Variants in SYBU observed in about 807,000 individuals in gnomAD.
SYBU encodes syntabulin.
In SYBU, 21 loss-of-function variants were observed where a neutral mutation model predicts 35.9. That is an observed-to-expected ratio of 0.58 (90% CI 0.41 to 0.84). The LOEUF (loss-of-function observed/expected upper bound fraction) is 0.84, where lower values mean the gene tolerates loss of function less well. Ranked by LOEUF, SYBU falls within the 40% of genes least tolerant of loss-of-function variation. The pLI, the probability that SYBU is intolerant of heterozygous loss-of-function variation, is 0.00. For missense variants in SYBU, 768 were observed against 848.2 expected (o/e 0.91, Z 1.17); for synonymous variants, 319 against 324.3 (o/e 0.98, Z 0.18).
intron 1 of SYBU, among the ~76,000 whole-genome samples, chr8:109,654,202 C>T (rs939488243): frequency 3.3e-5 from 5 of 152,086 alleles, no homozygotes; most frequent in South Asian, 2.1e-4. Flanking sequence ...CATCACCAAA[C>T]GTCTGAAAAA....
chr8:109,658,700 T>A (rs1563768983), intron 1 of SYBU, among the ~76,000 whole-genome samples: 1 of 152,296 alleles, frequency 6.6e-6, no homozygotes, highest in South Asian at 2.1e-4. Context: ...ATGCCTGTAA[T>A]CCCAGCATTT....
At chr8:109,687,849 A>G (rs1392110905) in intron 1 of SYBU, among the ~76,000 whole-genome samples, 2 of 152,234 alleles carry the variant, frequency 1.3e-5, no homozygotes, top group Admixed American at 6.5e-5. Context: ...TCTACTCTCA[A>G]TATAAGGATA....
chr8:109,624,409 T>C (rs1040405986), intron 2 of SYBU, among the ~76,000 whole-genome samples: 5 of 152,380 alleles, frequency 3.3e-5, no homozygotes, highest in Middle Eastern at 3.4e-3. Flanking sequence ...AGTTTGTCCT[T>C]ACAAAAGCAT....
At chr8:109,685,334 T>C (rs1422728673), upstream of SYBU, among the ~76,000 whole-genome samples, 1 of 152,214 alleles carries the variant, frequency 6.6e-6, no homozygotes, top group Non-Finnish European at 1.5e-5. Context: ...AATTAGACAA[T>C]GCATACCTCT....
chr8:109,598,469 A>G (rs1825141199), intron 3 of SYBU, among the ~76,000 whole-genome samples: 1 of 152,138 alleles, frequency 6.6e-6, no homozygotes, highest in South Asian at 2.1e-4. Flanking sequence ...TAACCTCTCT[A>G]TGCCTAAGTT....
intron 1 of SYBU, among the ~76,000 whole-genome samples, chr8:109,674,654 A>G (rs1563776465): frequency 1.3e-5 from 2 of 152,200 alleles, no homozygotes; most frequent in South Asian, 2.1e-4. Context: ...AAGTTCTTAG[A>G]GACCTACAAA....
At chr8:109,685,790 T>C (rs547468168), upstream of SYBU, among the ~76,000 whole-genome samples, 3 of 152,134 alleles carry the variant, frequency 2.0e-5, no homozygotes, top group African/African-American at 7.2e-5. Flanking sequence ...TAAAATTATA[T>C]GAAAAATGTC....
intron 3 of SYBU, among the ~76,000 whole-genome samples, chr8:109,604,554 A>T (rs1219541551): frequency 6.6e-6 from 1 of 152,288 alleles, no homozygotes; most frequent in East Asian, 1.9e-4. Flanking sequence ...AGTTCTTTTA[A>T]ATGGTAGCTG....
chr8:109,684,097 A>G (rs999532344), upstream of SYBU, among the ~76,000 whole-genome samples: 1 of 152,180 alleles, frequency 6.6e-6, no homozygotes, highest in Non-Finnish European at 1.5e-5. Flanking sequence ...TAACTTTATT[A>G]TTATTTCAGC....
intron 6 of SYBU, 51 bp from the exon 7 acceptor site, chr8:109,576,064 A>G (rs767396243): frequency 6.7e-7 from 1 of 1,483,722 alleles, no homozygotes; most frequent in South Asian, 1.4e-5. Context: ...AAAAAAAAAA[A>G]AAAAAACTTT....
chr8:109,687,237 A>G (rs560429511), intron 1 of SYBU, among the ~76,000 whole-genome samples: 84 of 152,340 alleles, frequency 5.5e-4, no homozygotes, highest in African/African-American at 1.8e-3. Context: ...AAAAACTAAG[A>G]GAACACATAA....
intron 1 of SYBU, among the ~76,000 whole-genome samples, chr8:109,650,492 A>G (rs1393245344): frequency 1.3e-5 from 2 of 152,210 alleles, no homozygotes; most frequent in East Asian, 3.8e-4. Flanking sequence ...TGGCAGCTAC[A>G]GCAGGGAATG....
rs939075600 is a variant in SYBU at position 109,574,129 on chromosome 8, G to A, written c.*777C>T. 6.6e-6 allele frequency: 1 copy of A among 152,016 alleles called. No homozygotes were observed. The highest frequency in any genetic ancestry group is 1.5e-5 in the Non-Finnish European group (1 of 68,006). The allele number at this position is 152,016 out of a possible 1,614,324, so 9.4% of individuals were successfully genotyped here. A position where few individuals can be genotyped will look rare whatever the true frequency, so the allele number is the denominator to read the frequency against. Reference sequence around the variant, plus strand: ...CCCTATTGATAAAGATGTAAGATCTGCTATTCATTGTCTTTCTTATACATA... The same window carrying A: ...CCCTATTGATAAAGATGTAAGATCTACTATTCATTGTCTTTCTTATACATA... On this transcript the variant is annotated 3_prime_UTR_variant, in exon 7 of 7. Coordinates refer to ENST00000276646, the MANE Select transcript of SYBU (RefSeq NM_001099754.2).
At chr8:109,610,107 T>C (rs1811004703) in intron 3 of SYBU, among the ~76,000 whole-genome samples, 1 of 152,100 alleles carries the variant, frequency 6.6e-6, no homozygotes, top group African/African-American at 2.4e-5. Flanking sequence ...CAACCCTCCT[T>C]AAGCACGGAA....
At chr8:109,589,986 A>C (rs1189081703) in intron 3 of SYBU, among the ~76,000 whole-genome samples, 1 of 151,512 alleles carries the variant, frequency 6.6e-6, no homozygotes, top group Non-Finnish European at 1.5e-5. Context: ...GGACCACCTC[A>C]AATAGAGGCA....
intron 4 of SYBU, 90 bp from the exon 5 acceptor site, chr8:109,580,092 A>C (rs1822849284): frequency 6.4e-6 from 8 of 1,258,882 alleles, no homozygotes; most frequent in Non-Finnish European, 9.2e-6. Context: ...AGGAAATCCA[A>C]TTTATAGAGT....
At chr8:109,689,688 A>G (rs1817600438) in intron 1 of SYBU, among the ~76,000 whole-genome samples, 2 of 152,184 alleles carry the variant, frequency 1.3e-5, no homozygotes, top group African/African-American at 2.4e-5. Flanking sequence ...ATACACATCT[A>G]TGCCATCCTC....
chr8:109,609,649 A>T (rs1810952685), intron 3 of SYBU, among the ~76,000 whole-genome samples: 1 of 152,042 alleles, frequency 6.6e-6, no homozygotes, highest in Non-Finnish European at 1.5e-5. Context: ...CACCCATTTG[A>T]CTCTGATGTC....
Position 109,642,920 on chromosome 8 carries a change from CT to C in SYBU, c.36del (p.Val13CysfsTer16). On this transcript the variant is annotated frameshift_variant, in exon 2 of 7. Coordinates refer to ENST00000276646, the MANE Select transcript of SYBU (RefSeq NM_001099754.2). LOFTEE classifies it high-confidence loss of function. ...GPLRESKKEH[R>X]VQHHDKEISR... is the part of the protein sequence containing the mutation. ...GAAATCTCCTTGTCATGATGCTGCACTCTGTGCTCCTTCTCAAAATTGGACA... is the reference window on the plus strand; with the variant it reads ...GAAATCTCCTTGTCATGATGCTGCACCTGTGCTCCTTCTCAAAATTGGACA... 6.6e-7 allele frequency: 1 copy of C among 1,507,820 alleles called. No individual in the cohort carries two copies. Among genetic ancestry groups the C allele is most frequent in the African/African-American group, 1.4e-5 (1 of 70,698 alleles). The allele number at this position is 1,507,820 out of a possible 1,614,324, so 93.4% of individuals were successfully genotyped here.
Sources: gnomAD v4.1 joint callset for allele counts (sites outside exome capture counted in the v4.1 genomes callset) on GRCh38, gnomAD v4.1.1 for gene constraint, MANE v1.5 for transcripts, NCBI Gene and HGNC (gene_info 2026-07-23, HGNC 2026-07-21) for gene names.